DNAJC6: variants seen among roughly 807,000 people sequenced by gnomAD.
DNAJC6 encodes the protein auxilin.
DNAJC6 carries 34 observed loss-of-function variants against 110.0 expected under a neutral mutation model. That is an observed-to-expected ratio of 0.31 (90% CI 0.24 to 0.41). The LOEUF (loss-of-function observed/expected upper bound fraction) is 0.41. Among genes scored for constraint, DNAJC6 ranks in the 10% least tolerant of loss-of-function variants. DNAJC6 has a pLI of 1.00. For synonymous variants in DNAJC6, 406 were observed against 437.2 expected (o/e 0.93, Z 0.89); for missense variants, 1,031 against 1,207.8 (o/e 0.85, Z 2.17).
At chr1:65,371,988 G>A (rs1157089139) in intron 4 of DNAJC6, among the ~76,000 whole-genome samples, 8 of 152,012 alleles carry the variant, frequency 5.3e-5, no homozygotes, top group Non-Finnish European at 1.2e-4. Context: ...TTACTTAATG[G>A]TGTATAATTA....
Position 65,309,877 on chromosome 1 carries a change from G to T in DNAJC6, c.132G>T (p.Gly44=). ...GVGGKQRVNA[G]AAARSPARQP... ...GCGGCAAGCAGAGAGTGAACGCCGG[G>T]GCAGCGGCGCGGAGTCCCGCCCGAC... Residue 44 remains glycine (G), a synonymous_variant, in exon 1 of 19, where the codon GGG becomes GGT. Transcript: ENST00000371069. 6.5e-7 allele frequency: 1 copy of T among 1,546,536 alleles called. No individual in the cohort carries two copies. The highest frequency in any genetic ancestry group is 8.7e-7 in the Non-Finnish European group (1 of 1,145,016).
At chr1:65,315,288 T>G (rs1645138816) in intron 1 of DNAJC6, among the ~76,000 whole-genome samples, 1 of 151,716 alleles carries the variant, frequency 6.6e-6, no homozygotes, top group African/African-American at 2.4e-5. Context: ...GAATAATGTT[T>G]TTTTTTTTTA....
intron 1 of DNAJC6, among the ~76,000 whole-genome samples, chr1:65,289,952 G>A (rs1241248059): frequency 6.6e-6 from 1 of 151,944 alleles, no homozygotes; most frequent in East Asian, 1.9e-4. Context: ...TGGGATTATA[G>A]GCGCCCACTG....
chr1:65,340,472 CT>C (rs1423283223), intron 1 of DNAJC6, among the ~76,000 whole-genome samples: 1 of 152,156 alleles, frequency 6.6e-6, no homozygotes, highest in Non-Finnish European at 1.5e-5. Context: ...GACCTCTACT[CT>C]GTCAAAAAGA....
intron 13 of DNAJC6, among the ~76,000 whole-genome samples, chr1:65,397,577 G>A (rs1010506222): frequency 6.6e-6 from 1 of 152,172 alleles, no homozygotes; most frequent in Non-Finnish European, 1.5e-5. Context: ...TGCCTTGCAT[G>A]TGGTAGGTAG....
chr1:65,413,322 GA>G lies in DNAJC6; in HGVS notation c.*301del. Reference sequence around the variant, plus strand: ...ACTCAGCATTCTACCTGGGGAAATGGAAAACAGAGGCCACCACCCATGAAGG... The same window carrying G: ...ACTCAGCATTCTACCTGGGGAAATGGAAACAGAGGCCACCACCCATGAAGG... On this transcript the variant is annotated 3_prime_UTR_variant, in exon 19 of 19. Transcript: ENST00000371069. 1.8e-5 allele frequency: 5 copies of G among 283,580 alleles called. No homozygotes were observed. The highest frequency in any genetic ancestry group is 4.9e-5 in the South Asian group (1 of 20,446). 17.6% of individuals were successfully genotyped at this position (283,580 alleles called of 1,614,324 possible).
At chr1:65,348,163 G>A (rs552030701) in intron 1 of DNAJC6, among the ~76,000 whole-genome samples, 1 of 152,260 alleles carries the variant, frequency 6.6e-6, no homozygotes, top group African/African-American at 2.4e-5. Context: ...TCATCATTAT[G>A]CCTTAAAGCA....
At chr1:65,311,503 G>A (rs538636765) in intron 1 of DNAJC6, among the ~76,000 whole-genome samples, 5 of 152,236 alleles carry the variant, frequency 3.3e-5, no homozygotes, top group Admixed American at 3.3e-4. Flanking sequence ...GGGATTACAG[G>A]CATGAGCCAC....
At chr1:65,350,420 A>C (rs749346796) in intron 1 of DNAJC6, among the ~76,000 whole-genome samples, 2 of 152,176 alleles carry the variant, frequency 1.3e-5, no homozygotes, top group African/African-American at 4.8e-5. Context: ...TAATAAGCTT[A>C]AAGTTCTTGT....
chr1:65,288,999 C>A (rs1423476652), intron 1 of DNAJC6, among the ~76,000 whole-genome samples: 2 of 152,200 alleles, frequency 1.3e-5, no homozygotes, highest in South Asian at 2.1e-4. Context: ...GAACATATTT[C>A]TGTTGGTTAT....
At chr1:65,345,693 G>C in intron 1 of DNAJC6, 1 of 985,172 alleles carries the variant, frequency 1.0e-6, no homozygotes. Context: ...TCTGAAGAGA[G>C]GGTAGGAACC....
chr1:65,285,572 C>G (rs184267197), intron 1 of DNAJC6, among the ~76,000 whole-genome samples: 2 of 152,310 alleles, frequency 1.3e-5, no homozygotes, highest in African/African-American at 2.4e-5. Flanking sequence ...CCTCACCCCC[C>G]CACCAGTGTT....
At chr1:65,367,787 A>T (rs1358731534) in intron 4 of DNAJC6, among the ~76,000 whole-genome samples, 1 of 152,034 alleles carries the variant, frequency 6.6e-6, no homozygotes, top group Admixed American at 6.6e-5. Context: ...TTGTGACTGG[A>T]CTTAAGGGTT....
intron 5 of DNAJC6, among the ~76,000 whole-genome samples, chr1:65,380,921 G>GTTTTTTTTTTTTT (rs1162044500): frequency 1.2e-4 from 12 of 99,356 alleles, no homozygotes; most frequent in African/African-American, 3.3e-4. Context: ...GTTTTGTTTT[G>GTTTTTTTTTTTTT]TTTTTTTTTT....
chr1:65,324,434 A>G (rs1645223900), intron 1 of DNAJC6, among the ~76,000 whole-genome samples: 1 of 151,730 alleles, frequency 6.6e-6, no homozygotes, highest in South Asian at 2.1e-4. Flanking sequence ...ATCTCCGCTC[A>G]CTGCAACCTC....
At chr1:65,321,743 T>C (rs1188562197) in intron 1 of DNAJC6, among the ~76,000 whole-genome samples, 1 of 152,178 alleles carries the variant, frequency 6.6e-6, no homozygotes, top group East Asian at 1.9e-4. Flanking sequence ...TTAGGTTCAA[T>C]GAGCTTATAC....
chr1:65,340,695 A>G (rs1458900408), intron 1 of DNAJC6, among the ~76,000 whole-genome samples: 1 of 152,132 alleles, frequency 6.6e-6, no homozygotes, highest in Non-Finnish European at 1.5e-5. Context: ...TATATGAAGC[A>G]TTTGGCAGAA....
chr1:65,276,082 A>G (rs754286741), intron 1 of DNAJC6, among the ~76,000 whole-genome samples: 2 of 151,990 alleles, frequency 1.3e-5, no homozygotes, highest in Non-Finnish European at 2.9e-5. Flanking sequence ...GGGTTTCGCC[A>G]TGTTGGCCAG....
chr1:65,288,016 T>C (rs1285140514), intron 1 of DNAJC6, among the ~76,000 whole-genome samples: 2 of 152,222 alleles, frequency 1.3e-5, no homozygotes, highest in Non-Finnish European at 2.9e-5. Context: ...AGTGTAATAC[T>C]CAGCCTTGTA....
Sources: allele counts gnomAD v4.1 joint callset (sites outside exome capture counted in the v4.1 genomes callset), GRCh38; gene constraint gnomAD v4.1.1; transcripts MANE v1.5; gene names NCBI Gene and HGNC (gene_info 2026-07-23, HGNC 2026-07-21).